The following FBXO11 variants were observed in gnomAD, a reference collection of about 807,000 sequenced individuals.
The protein encoded by FBXO11 is F-box protein 11, also known as F-box only protein 11.
In FBXO11, 13 loss-of-function variants were observed where a neutral mutation model predicts 117.0. The observed-to-expected ratio is 0.11, with a 90% CI of 0.07 to 0.18. The LOEUF (loss-of-function observed/expected upper bound fraction) is 0.18. Ranked by LOEUF, FBXO11 falls within the 10% of genes least tolerant of loss-of-function variation. The pLI is 1.00. For missense variants in FBXO11, 767 were observed against 1,164.4 expected (o/e 0.66, Z 4.97); for synonymous variants, 490 against 380.5 (o/e 1.29, Z -3.35).
chr2:47,895,345 C>T (rs1445413460), intron 1 of FBXO11, among the ~76,000 whole-genome samples: 1 of 152,118 alleles, frequency 6.6e-6, no homozygotes, highest in East Asian at 1.9e-4. Context: ...ACTAATGCTA[C>T]AAGCAGCAAT....
At chr2:47,888,588 T>C in intron 1 of FBXO11, 2 of 729,174 alleles carry the variant, frequency 2.7e-6, no homozygotes, top group Non-Finnish European at 1.7e-6. Context: ...CTTTTTCTTT[T>C]AAAAATTACT....
At chr2:47,899,873 G>T (rs1481780392) in intron 1 of FBXO11, among the ~76,000 whole-genome samples, 1 of 151,892 alleles carries the variant, frequency 6.6e-6, no homozygotes, top group African/African-American at 2.4e-5. Flanking sequence ...GGATAAATAG[G>T]GGGACAATAA....
At chr2:47,833,741 A>T (rs968475693) in intron 7 of FBXO11, among the ~76,000 whole-genome samples, 14 of 152,214 alleles carry the variant, frequency 9.2e-5, no homozygotes, top group African/African-American at 3.4e-4. Flanking sequence ...AAAACATAGC[A>T]ATAGAAATAT....
chr2:47,838,888 G>A lies in FBXO11; in HGVS notation c.558C>T (p.Phe186=), dbSNP rs1485966243. ...AAATTGGATCATTAGCAAGTTCACT[G>A]AAGCGTTTACATACACAAGCTGCTC... ...LCRAACVCKR[F]SELANDPILW... Residue 186 remains phenylalanine, a synonymous_variant, in exon 4 of 23, where the codon TTC becomes TTT. Transcript: ENST00000403359. 1.2e-6 allele frequency: 2 copies of A among 1,613,760 alleles called. No homozygotes were observed. Among genetic ancestry groups the A allele is most frequent in the African/African-American group, 2.7e-5 (2 of 74,922 alleles).
At position 47,813,425 on chromosome 2, in the gene FBXO11, A is replaced by T. The variant is rs1477486035; in HGVS notation, c.2084-48T>A. On this transcript the variant is annotated intron_variant, in intron 17 of 22. Coordinates refer to ENST00000403359, the MANE Select transcript of FBXO11 (RefSeq NM_001190274.2). ...TATCTAGAAGGTATATTTCTTTTTA[A>T]TTTTTTTTTTTTTTTTTTTTTTTGA... 1.2e-3 allele frequency: 462 copies of T among 389,988 alleles called. 1 individual carries two copies. The highest frequency in any genetic ancestry group is 9.5e-3 in the African/African-American group (182 of 19,180). 24.2% of individuals were successfully genotyped at this position (389,988 alleles called of 1,614,324 possible).
Position 47,807,486 on chromosome 2 carries a change from G to A in FBXO11, c.*632C>T, listed in dbSNP as rs542370649. The A allele has an allele frequency of 9.7e-6, 2 of 206,732 alleles. No individual in the cohort carries two copies. Among genetic ancestry groups the A allele is most frequent in the African/African-American group, 4.6e-5 (2 of 43,392 alleles). 12.8% of individuals were successfully genotyped at this position (206,732 alleles called of 1,614,324 possible). On this transcript the variant is annotated 3_prime_UTR_variant, in exon 23 of 23. Transcript: ENST00000403359. ...AGAAACATTGCTGGATATAATTTAA[G>A]ATTAGTGTTTTCTCTTTCATAGAAA...
At chr2:47,817,374 A>G (rs1020999317) in intron 16 of FBXO11, among the ~76,000 whole-genome samples, 5 of 152,192 alleles carry the variant, frequency 3.3e-5, no homozygotes, top group Non-Finnish European at 7.3e-5. Context: ...ATATTAGCAT[A>G]AGTCCATTTT....
At chr2:47,876,233 C>T (rs1187218650) in intron 1 of FBXO11, among the ~76,000 whole-genome samples, 1 of 152,176 alleles carries the variant, frequency 6.6e-6, no homozygotes, top group Admixed American at 6.5e-5. Flanking sequence ...TAGTAGCATT[C>T]CTGACTCAAC....
intron 1 of FBXO11, among the ~76,000 whole-genome samples, chr2:47,892,805 A>G (rs1558479340): frequency 6.6e-6 from 1 of 152,206 alleles, no homozygotes; most frequent in Non-Finnish European, 1.5e-5. Context: ...AGCTAATACC[A>G]CAAAAGCAAG....
chr2:47,871,770 T>A (rs1173443138), intron 1 of FBXO11, among the ~76,000 whole-genome samples: 2 of 152,208 alleles, frequency 1.3e-5, no homozygotes, highest in Non-Finnish European at 2.9e-5. Flanking sequence ...CATACTATCA[T>A]GATGTCCCTT....
At chr2:47,890,432 C>T (rs928533511) in intron 1 of FBXO11, among the ~76,000 whole-genome samples, 1 of 152,062 alleles carries the variant, frequency 6.6e-6, no homozygotes, top group Admixed American at 6.6e-5. Flanking sequence ...AACATTTAAG[C>T]TTTTATTCAA....
chr2:47,890,285 G>C (rs1230604545), intron 1 of FBXO11, among the ~76,000 whole-genome samples: 1 of 152,058 alleles, frequency 6.6e-6, no homozygotes, highest in South Asian at 2.1e-4. Context: ...ATTCTGAACT[G>C]ACTTCCTGAT....
chr2:47,832,319 C>T lies in FBXO11; in HGVS notation c.1398+30G>A, dbSNP rs371740572. ...TTGGAATTTAACTGATACAGAAGTC[C>T]GTTTTTCTATTAAAAATAAGTGTTC... On this transcript the variant is annotated intron_variant, in intron 11 of 22. Transcript: ENST00000403359. 139 of 1,545,660 alleles carry T rather than the reference C, an allele frequency of 9.0e-5. No homozygotes were observed. The African/African-American group carries it at 1.6e-3, about 18-fold the overall frequency.
At chr2:47,900,656 ACACACACGTACG>A (rs1678093545) in intron 1 of FBXO11, among the ~76,000 whole-genome samples, 2 of 107,570 alleles carry the variant, frequency 1.9e-5, no homozygotes, top group African/African-American at 6.6e-5. Flanking sequence ...ACACACGTAT[ACACACACGTACG>A]TATATACACA....
chr2:47,830,115 A>G (rs1456647644), intron 11 of FBXO11, among the ~76,000 whole-genome samples: 1 of 152,224 alleles, frequency 6.6e-6, no homozygotes, highest in African/African-American at 2.4e-5. Context: ...TAAAGAAAGG[A>G]ACATATGGAA....
intron 1 of FBXO11, among the ~76,000 whole-genome samples, chr2:47,899,792 C>T (rs1264365622): frequency 6.6e-6 from 1 of 152,010 alleles, no homozygotes; most frequent in African/African-American, 2.4e-5. Flanking sequence ...ATTGGAAGGT[C>T]TAAAACAGAG....
chr2:47,838,458 A>C (rs1185372924), intron 4 of FBXO11, among the ~76,000 whole-genome samples: 1 of 152,084 alleles, frequency 6.6e-6, no homozygotes, highest in Admixed American at 6.5e-5. Flanking sequence ...ATGACCCAGT[A>C]ATTACTGGGT....
intron 1 of FBXO11, among the ~76,000 whole-genome samples, chr2:47,842,391 G>C (rs1048003552): frequency 6.6e-6 from 1 of 152,108 alleles, no homozygotes; most frequent in African/African-American, 2.4e-5. Flanking sequence ...TGCCTTGTTG[G>C]TATTACAAAG....
intron 1 of FBXO11, among the ~76,000 whole-genome samples, chr2:47,898,398 T>C (rs1442720200): frequency 1.3e-5 from 2 of 152,212 alleles, no homozygotes; most frequent in South Asian, 4.1e-4. Flanking sequence ...AAAGAATATT[T>C]AGTCCACAAA....
Sources: allele counts gnomAD v4.1 joint callset (sites outside exome capture counted in the v4.1 genomes callset), GRCh38; gene constraint gnomAD v4.1.1; transcripts MANE v1.5; gene names NCBI Gene and HGNC (gene_info 2026-07-23, HGNC 2026-07-21).